ITGAD: variants seen among roughly 807,000 people sequenced by gnomAD.
The protein encoded by ITGAD is integrin subunit alpha D, also known as integrin alpha-D.
ITGAD carries 105 observed loss-of-function variants against 139.0 expected under a neutral mutation model. That is an observed-to-expected ratio of 0.76 (90% confidence interval 0.65 to 0.89). ITGAD has a LOEUF of 0.89. Among genes scored for constraint, ITGAD ranks in the 40% least tolerant of loss-of-function variants. ITGAD has a pLI of 0.00. For synonymous variants in ITGAD, 569 were observed against 598.3 expected (o/e 0.95, Z 0.71); for missense variants, 1,384 against 1,487.3 (o/e 0.93, Z 1.14).
rs756359115 is a variant in ITGAD at position 31,407,597 on chromosome 16, A to G, written c.787A>G (p.Lys263Glu). The G allele has an allele frequency of 1.2e-6, 2 of 1,614,014 alleles. No individual in the cohort carries two copies. Among genetic ancestry groups the G allele is most frequent in the Admixed American group, 3.3e-5 (2 of 59,974 alleles). Residue 263 changes from lysine (K) to glutamate (E), a missense_variant, in exon 8 of 30, where the codon AAA becomes GAA. Transcript: ENST00000389202. ...TGTCATCACAGATGGGCAGAAGTACAAAGACCCCCTGGAATACAGTGATGT... is the reference window on the plus strand; with the variant it reads ...TGTCATCACAGATGGGCAGAAGTACGAAGACCCCCTGGAATACAGTGATGT... ...LIVITDGQKY[K>E]DPLEYSDVIP... is the part of the protein sequence containing the mutation.
At chr16:31,417,134 C>T (rs943334444) in intron 20 of ITGAD, among the ~76,000 whole-genome samples, 4 of 150,718 alleles carry the variant, frequency 2.7e-5, no homozygotes, top group Admixed American at 1.3e-4. Flanking sequence ...GCCTAGACCT[C>T]TTGGGCTCAA....
intron 2 of ITGAD, among the ~76,000 whole-genome samples, chr16:31,396,173 T>A (rs533832068): frequency 2.0e-5 from 3 of 152,102 alleles, no homozygotes; most frequent in Non-Finnish European, 4.4e-5. Context: ...GGCCACATTT[T>A]AAAAAAAGAA....
Position 31,414,212 on chromosome 16 carries a change from CTATT to C in ITGAD, c.1997-236_1997-233del, listed in dbSNP as rs1223961850. On this transcript the variant is annotated intron_variant, in intron 16 of 29. Coordinates refer to ENST00000389202, the MANE Select transcript of ITGAD (RefSeq NM_005353.3). The stretch of plus-strand genomic sequence containing the variant: ...ATCATCTGTCTATCTAATCTGTCAC[CTATT>C]TAATCTATCATCTATTTATCTATTA... 3.3e-5 allele frequency among the ~76,000 whole-genome samples: 5 copies of C among 151,702 alleles called. No homozygotes were observed. The South Asian group carries it at 6.3e-4, about 19-fold the overall frequency.
chr16:31,412,677 G>A (rs985548794), intron 14 of ITGAD, among the ~76,000 whole-genome samples, 161 bp from the exon 15 acceptor site: 1 of 152,210 alleles, frequency 6.6e-6, no homozygotes, highest in African/African-American at 2.4e-5. Flanking sequence ...ATCATCTCCC[G>A]ACTCCTACCT....
In ITGAD at chr16:31,417,965, AAAAAG is replaced by A; in HGVS notation, c.2500-104_2500-100del. ...CCGTCTCAAAAAAAAACAACAACAA[AAAAAG>A]AAAAGTCTGTCATTTTCCCTAGTGC... On this transcript the variant is annotated intron_variant, in intron 20 of 29. Coordinates refer to ENST00000389202, the MANE Select transcript of ITGAD (RefSeq NM_005353.3). The A allele has an allele frequency of 4.6e-6, 4 of 875,558 alleles. No individual in the cohort carries two copies. In the East Asian group the frequency reaches 9.8e-5, roughly 21 times the overall value. 54.2% of individuals were successfully genotyped at this position (875,558 alleles called of 1,614,324 possible).
In ITGAD at chr16:31,426,299, C is replaced by CA; in HGVS notation, c.*172dup. On this transcript the variant is annotated 3_prime_UTR_variant, in exon 30 of 30. Transcript: ENST00000389202. ...ATTGTAATGTTTTTACATATCTGTC[C>CA]ATCTTTTTCAGCAATGACCCACTTT... 1.8e-6 allele frequency: 1 copy of CA among 549,582 alleles called. No individual in the cohort carries two copies. The allele number at this position is 549,582 out of a possible 1,614,324, so 34.0% of individuals were successfully genotyped here.
rs766127800 is a variant in ITGAD, at chr16:31,413,265, G to C, written c.1996+19G>C. On this transcript the variant is annotated intron_variant, in intron 16 of 29. Coordinates refer to ENST00000389202, the MANE Select transcript of ITGAD (RefSeq NM_005353.3). Reference sequence around the variant, plus strand: ...CAGCTAGGTGTGTTTCCCCCATAAAGGGGGCCCAGGCCCCTCATTCCATTA... The same window carrying C: ...CAGCTAGGTGTGTTTCCCCCATAAACGGGGCCCAGGCCCCTCATTCCATTA... The C allele has an allele frequency of 6.2e-7, 1 of 1,613,004 alleles. No individual in the cohort carries two copies. The highest frequency in any genetic ancestry group is 8.5e-7 in the Non-Finnish European group (1 of 1,179,472).
chr16:31,412,530 C>G (rs2081754650), intron 14 of ITGAD, among the ~76,000 whole-genome samples: 1 of 152,120 alleles, frequency 6.6e-6, no homozygotes, highest in African/African-American at 2.4e-5. Flanking sequence ...GAGGGACAGA[C>G]AGATTGAGTC....
Position 31,418,125 on chromosome 16 carries a change from T to A in ITGAD, c.2550T>A (p.Thr850=), listed in dbSNP as rs899639374. ...GCCTGGCATGTGAGACAGTGCCCAC[T>A]GAGGATGAGGGCCTAAGAAGCAGCC... ...ALRLACETVP[T]EDEGLRSSRC... is the part of the protein sequence containing the mutation. The change falls in exon 21 of 30, where the codon ACT becomes ACA. Residue 850 remains threonine, a synonymous_variant. Coordinates refer to ENST00000389202, the MANE Select transcript of ITGAD (RefSeq NM_005353.3). 3.2e-5 allele frequency: 52 copies of A among 1,613,974 alleles called. No individual in the cohort carries two copies. Among genetic ancestry groups the A allele is most frequent in the Non-Finnish European group, 4.3e-5 (51 of 1,180,030 alleles).
chr16:31,412,495 G>A (rs1164729674), intron 14 of ITGAD, among the ~76,000 whole-genome samples: 1 of 152,152 alleles, frequency 6.6e-6, no homozygotes, highest in Non-Finnish European at 1.5e-5. Flanking sequence ...TCTGGCCAGC[G>A]GGTTGCTGGA....
chr16:31,400,848 C>T (rs140346707), intron 5 of ITGAD, among the ~76,000 whole-genome samples: 245 of 152,252 alleles, frequency 1.6e-3, no homozygotes, highest in African/African-American at 5.4e-3. Context: ...TCAAGTAATC[C>T]GCCCACCTCA....
rs542305602 is a variant in ITGAD, at chr16:31,413,993, G to T, written c.1997-458G>T. ...GTGCTTGGCTTCTTTCTTAGATTGT[G>T]AGGTTCATGAGAGTGGGGGCCATAT... is the stretch of plus-strand genomic sequence containing the variant. On this transcript the variant is annotated intron_variant, in intron 16 of 29. Transcript: ENST00000389202. 2.0e-5 allele frequency among the ~76,000 whole-genome samples: 3 copies of T among 152,264 alleles called. No individual in the cohort carries two copies. The East Asian group carries it at 5.8e-4, about 29-fold the overall frequency.
chr16:31,409,153 G>GGT (rs2081614209), intron 10 of ITGAD, among the ~76,000 whole-genome samples: 1 of 152,086 alleles, frequency 6.6e-6, no homozygotes, highest in South Asian at 2.1e-4. Context: ...AAATTAGCCA[G>GGT]GTGTGGTGGC....
rs1001945224 is a variant in ITGAD, at chr16:31,416,215, C to T, written c.2286C>T (p.Leu762=). ...VGSQDLFTAS[L]PFEKNCGQDG... ...CAGAATATACTATTTTGCTGCAGCT[C>T]CCCTTCGAGAAGAACTGTGGGCAAG... The change falls in exon 19 of 30, where the codon CTC becomes CTT. Residue 762 remains leucine (L), a splice_region_variant and synonymous_variant. Coordinates refer to ENST00000389202, the MANE Select transcript of ITGAD (RefSeq NM_005353.3). The T allele has an allele frequency of 3.7e-6, 6 of 1,603,242 alleles. No homozygotes were observed. In the South Asian group the frequency reaches 5.6e-5, roughly 15 times the overall value.
chr16:31,406,798 G>A (rs906322574), intron 7 of ITGAD, among the ~76,000 whole-genome samples: 4 of 152,128 alleles, frequency 2.6e-5, no homozygotes, highest in African/African-American at 9.7e-5. Flanking sequence ...GCCAGGCCAG[G>A]TCCAGTGTGG....
chr16:31,412,323 C>T (rs939866298), intron 14 of ITGAD, among the ~76,000 whole-genome samples: 1 of 152,264 alleles, frequency 6.6e-6, no homozygotes, highest in African/African-American at 2.4e-5. Flanking sequence ...GGATTACAAG[C>T]GTGAGCCACT....
At position 31,414,524 on chromosome 16, in the gene ITGAD, T is replaced by C. The variant is rs953209482; in HGVS notation, c.2070T>C (p.Asn690=). Residue 690 remains asparagine (N), a synonymous_variant, in exon 17 of 30, where the codon AAT becomes AAC. Coordinates refer to ENST00000389202, the MANE Select transcript of ITGAD (RefSeq NM_005353.3). ...GTCTGACTTCTCGTGCCATTTTCAATGAAACCAAGAACCCCACTTTGACTC... is the reference window on the plus strand; with the variant it reads ...GTCTGACTTCTCGTGCCATTTTCAACGAAACCAAGAACCCCACTTTGACTC... ...PGRLTSRAIF[N]ETKNPTLTRR... The C allele has an allele frequency of 6.8e-6, 11 of 1,614,108 alleles. No individual in the cohort carries two copies. In the Admixed American group the frequency reaches 1.8e-4, roughly 27 times the overall value.
chr16:31,414,036 C>A (rs962313211), intron 16 of ITGAD, among the ~76,000 whole-genome samples: 3 of 152,194 alleles, frequency 2.0e-5, no homozygotes, highest in Non-Finnish European at 2.9e-5. Flanking sequence ...GCTAGCTAAT[C>A]TATCATCTAT....
intron 23 of ITGAD, among the ~76,000 whole-genome samples, chr16:31,418,894 C>T (rs540615406): frequency 2.0e-5 from 3 of 152,170 alleles, no homozygotes; most frequent in South Asian, 2.1e-4. Context: ...CGTGGTCATG[C>T]GTGCCTGTAA....
Sources: gnomAD v4.1 joint callset for allele counts (sites outside exome capture counted in the v4.1 genomes callset) on GRCh38, gnomAD v4.1.1 for gene constraint, MANE v1.5 for transcripts, NCBI Gene and HGNC (gene_info 2026-07-23, HGNC 2026-07-21) for gene names.